TBC1D8: variants seen among roughly 807,000 people sequenced by gnomAD.
The protein encoded by TBC1D8 is TBC1 domain family member 8.
A neutral mutation model predicts 118.8 loss-of-function variants in TBC1D8; 65 were observed. The ratio of observed to expected loss-of-function variants is 0.55; its 90% CI spans 0.45 to 0.67. TBC1D8 has a LOEUF of 0.67. TBC1D8 is among the 30% of genes least tolerant of loss of function. The pLI, the probability that TBC1D8 is intolerant of heterozygous loss-of-function variation, is 0.00. For synonymous variants in TBC1D8, 566 were observed against 595.8 expected, an observed-to-expected ratio of 0.95 and a Z score of 0.73; for missense variants, 1,376 against 1,471.2, an observed-to-expected ratio of 0.94 and a Z score of 1.06.
At chr2:101,025,338 C>A (rs759076398) in intron 15 of TBC1D8, among the ~76,000 whole-genome samples, 1 of 152,034 alleles carries the variant, frequency 6.6e-6, no homozygotes, top group Non-Finnish European at 1.5e-5. Flanking sequence ...ACAATTCTCC[C>A]GCCTCAGCCA....
chr2:101,023,559 T>C (rs893894459), intron 15 of TBC1D8: 1 of 393,330 alleles, frequency 2.5e-6, no homozygotes, highest in Non-Finnish European at 5.1e-6. Context: ...GTGAGACTTT[T>C]TATTGCATAT....
At position 101,036,066 on chromosome 2, in the gene TBC1D8, T is replaced by C. The variant is rs1207092223; in HGVS notation, c.1555A>G (p.Met519Val). The change falls in exon 9 of 20, where the codon ATG becomes GTG. Residue 519 changes from methionine to valine, a missense_variant. Transcript: ENST00000409318. Reference protein sequence around the residue: ...RTEKIRKLVAMGIPESLRGRL... With the variant: ...RTEKIRKLVAVGIPESLRGRL... ...CCTCGCAAAGATTCAGGGATGCCCA[T>C]GGCTACGAGCTTCCGAATCTTCTCT... 2 of 1,614,042 alleles carry C rather than the reference T, an allele frequency of 1.2e-6. No homozygotes were observed. Among genetic ancestry groups the C allele is most frequent in the South Asian group, 2.2e-5 (2 of 91,082 alleles).
chr2:101,038,993 C>G (rs1311328395), intron 6 of TBC1D8, among the ~76,000 whole-genome samples: 1 of 152,182 alleles, frequency 6.6e-6, no homozygotes, highest in Non-Finnish European at 1.5e-5. Flanking sequence ...TGTATGAATC[C>G]ACTCATATGA....
At chr2:101,048,430 T>C (rs1418670079) in intron 5 of TBC1D8, among the ~76,000 whole-genome samples, 1 of 152,082 alleles carries the variant, frequency 6.6e-6, no homozygotes, top group Non-Finnish European at 1.5e-5. Context: ...GCGTGTCCTT[T>C]CACAGGGGGC....
intron 2 of TBC1D8, among the ~76,000 whole-genome samples, chr2:101,075,535 A>T (rs973233862): frequency 1.3e-5 from 2 of 152,130 alleles, no homozygotes; most frequent in African/African-American, 4.8e-5. Flanking sequence ...TTGAATCATG[A>T]GGGCAGTTTC....
At chr2:101,073,300 A>ATT (rs34252571) in intron 2 of TBC1D8, among the ~76,000 whole-genome samples, 59 of 143,708 alleles carry the variant, frequency 4.1e-4, no homozygotes, top group Non-Finnish European at 6.0e-4. Flanking sequence ...TATTTTATTT[A>ATT]TTTTTTTTTT....
chr2:101,023,102 G>A (rs1680140332), intron 15 of TBC1D8, among the ~76,000 whole-genome samples: 3 of 148,468 alleles, frequency 2.0e-5, no homozygotes, highest in Middle Eastern at 3.5e-3. Flanking sequence ...CCGAGATCGC[G>A]CCACTGCACT....
intron 1 of TBC1D8, among the ~76,000 whole-genome samples, chr2:101,100,091 C>T (rs1028464932): frequency 2.0e-5 from 3 of 152,080 alleles, no homozygotes; most frequent in Non-Finnish European, 4.4e-5. Flanking sequence ...ACAGATGACA[C>T]AATTTTATAT....
intron 3 of TBC1D8, among the ~76,000 whole-genome samples, chr2:101,056,902 G>A (rs974520872): frequency 6.6e-6 from 1 of 152,326 alleles, no homozygotes; most frequent in South Asian, 2.1e-4. Flanking sequence ...CAGGATATGA[G>A]TAGGAAAGCC....
rs117471336 is a variant in TBC1D8, at chr2:101,077,874, C to T, written c.283+12335G>A. Among the ~76,000 whole-genome samples the T allele has an allele frequency of 1.3e-3, 201 of 152,262 alleles. 4 individuals carry two copies. In the East Asian group the frequency reaches 0.036, roughly 27 times the overall value. ...ACTTAAACAATTACCAGCCTTTATTCCTGGAAGTCACAAGATTGGCAACTT... is the reference window on the plus strand; with the variant it reads ...ACTTAAACAATTACCAGCCTTTATTTCTGGAAGTCACAAGATTGGCAACTT... On this transcript the variant is annotated intron_variant, in intron 2 of 19. Transcript: ENST00000409318.
chr2:101,018,072 G>C, intron 17 of TBC1D8: 3 of 775,602 alleles, frequency 3.9e-6, no homozygotes, highest in Non-Finnish European at 6.1e-6. Context: ...GACAATCTAG[G>C]CTAATGGGAC....
chr2:101,142,264 G>C (rs1679137116), intron 1 of TBC1D8, among the ~76,000 whole-genome samples: 2 of 152,092 alleles, frequency 1.3e-5, no homozygotes, highest in Non-Finnish European at 2.9e-5. Context: ...CCAGTATTAG[G>C]GCTGTTCACA....
intron 2 of TBC1D8, among the ~76,000 whole-genome samples, chr2:101,068,016 G>A (rs1024785202): frequency 2.6e-5 from 4 of 152,152 alleles, no homozygotes; most frequent in African/African-American, 9.7e-5. Flanking sequence ...TCAGTAAGAA[G>A]CAACTCCTCA....
intron 1 of TBC1D8, among the ~76,000 whole-genome samples, chr2:101,126,426 G>A (rs144477773): frequency 1.2e-3 from 179 of 152,222 alleles, no homozygotes; most frequent in African/African-American, 3.9e-3. Flanking sequence ...TCTCTGCTGG[G>A]TACATATGTC....
At chr2:101,011,270 C>A in intron 18 of TBC1D8, 181 bp downstream of exon 18, 1 of 717,974 alleles carries the variant, frequency 1.4e-6, no homozygotes, top group South Asian at 1.9e-5. Flanking sequence ...CAAGGGGCAG[C>A]CACCCAGCAA....
rs1365607856 is a variant in TBC1D8, at chr2:101,118,431, TCA to T, written c.128-28069_128-28068del. The stretch of plus-strand genomic sequence containing the variant: ...CCACCAGGTAGCCGGGCACAGTGGC[TCA>T]TGCCTGTAATCCCAGCACTTTGGGA... On this transcript the variant is annotated intron_variant, in intron 1 of 19. Transcript: ENST00000409318. Among the ~76,000 whole-genome samples the T allele has an allele frequency of 1.7e-3, 262 of 152,296 alleles. 1 individual carries two copies. The East Asian group carries it at 0.032, about 18-fold the overall frequency.
Position 101,038,665 on chromosome 2 carries a change from A to G in TBC1D8, c.1081-10T>C, listed in dbSNP as rs779212615. ...TCTCGATGCTCACCACCTGCGCGAG[A>G]GGCAACATGCAGGGACAGAAGGGCG... On this transcript the variant is annotated splice_polypyrimidine_tract_variant and intron_variant, in intron 6 of 19. Coordinates refer to ENST00000409318, the MANE Select transcript of TBC1D8 (RefSeq NM_001330348.2). 5 of 1,613,374 alleles carry G rather than the reference A, an allele frequency of 3.1e-6. No individual in the cohort carries two copies. In the Admixed American group the frequency reaches 8.3e-5, roughly 27 times the overall value.
At chr2:101,125,953 G>C (rs1678333723) in intron 1 of TBC1D8, among the ~76,000 whole-genome samples, 2 of 152,100 alleles carry the variant, frequency 1.3e-5, no homozygotes, top group African/African-American at 2.4e-5. Context: ...GTCCCTATTA[G>C]GTTATAATGC....
In TBC1D8 at chr2:101,041,457, T is replaced by C. The variant is rs1422178289; in HGVS notation, c.873-1072A>G. Among the ~76,000 whole-genome samples, 5 of 152,320 alleles carry C rather than the reference T, an allele frequency of 3.3e-5. No individual in the cohort carries two copies. The East Asian group carries it at 9.7e-4, about 29-fold the overall frequency. On this transcript the variant is annotated intron_variant, in intron 5 of 19. Transcript: ENST00000409318. Reference sequence around the variant, plus strand: ...ACAAAAAGACGACATACTGCCTGATTCCATTAATATGAAATATCCAGAATA... The same window carrying C: ...ACAAAAAGACGACATACTGCCTGATCCCATTAATATGAAATATCCAGAATA...
Sources: gnomAD v4.1 joint callset for allele counts (sites outside exome capture counted in the v4.1 genomes callset) on GRCh38, gnomAD v4.1.1 for gene constraint, MANE v1.5 for transcripts, NCBI Gene and HGNC (gene_info 2026-07-23, HGNC 2026-07-21) for gene names.